CMYA5: variants seen among roughly 807,000 people sequenced by gnomAD.
CMYA5 encodes the protein cardiomyopathy associated 5.
CMYA5 carries 246 observed loss-of-function variants against 318.9 expected under a neutral mutation model. The observed-to-expected ratio is 0.77, with a 90% CI of 0.70 to 0.86. The LOEUF (loss-of-function observed/expected upper bound fraction) is 0.86, where lower values mean the gene tolerates loss of function less well. Ranked by LOEUF, CMYA5 falls within the 40% of genes least tolerant of loss-of-function variation. The probability of loss-of-function intolerance (pLI) is 0.00; values close to 1 mark genes in which losing one functional copy is unlikely to be tolerated. For missense variants in CMYA5, 4,589 were observed against 4,678.2 expected, an observed-to-expected ratio of 0.98 and a Z score of 0.56; for synonymous variants, 1,641 against 1,729.5, an observed-to-expected ratio of 0.95 and a Z score of 1.27.
intron 9 of CMYA5, among the ~76,000 whole-genome samples, chr5:79,767,721 A>T (rs1423456275): frequency 6.6e-6 from 1 of 152,146 alleles, no homozygotes; most frequent in Non-Finnish European, 1.5e-5. Flanking sequence ...TTTTACTTCC[A>T]ATTATGTGGT....
At chr5:79,721,336 AAAAC>A (rs1347653472) in intron 1 of CMYA5, among the ~76,000 whole-genome samples, 1 of 152,116 alleles carries the variant, frequency 6.6e-6, no homozygotes, top group Non-Finnish European at 1.5e-5. Context: ...AAAAAATAAA[AAAAC>A]AAAATAAGGC....
At chr5:79,743,148 C>G (rs1000154695) in intron 2 of CMYA5, among the ~76,000 whole-genome samples, 1 of 152,232 alleles carries the variant, frequency 6.6e-6, no homozygotes, top group African/African-American at 2.4e-5. Context: ...GTGAATCAGA[C>G]AGCTGAAGCT....
At chr5:79,761,578 T>A (rs1363045730) in intron 7 of CMYA5, among the ~76,000 whole-genome samples, 1 of 152,224 alleles carries the variant, frequency 6.6e-6, no homozygotes, top group East Asian at 1.9e-4. Context: ...ACTAATATGC[T>A]ATTATTTTCT....
rs747328529 is a variant in CMYA5, at chr5:79,736,713, T to G, written c.7948T>G (p.Ser2650Ala). Residue 2650 changes from serine (S) to alanine (A), a missense_variant, in exon 2 of 13, where the codon TCT becomes GCT. Transcript: ENST00000446378. Reference protein sequence around the residue: ...LSCRDEIENHSLSQEGNLVLE... With the variant: ...LSCRDEIENHALSQEGNLVLE... ...TTGTCGTGATGAAATAGAGAACCAC[T>G]CTTTATCTCAGGAAGGAAATCTAGT... The G allele has an allele frequency of 5.2e-5, 84 of 1,613,102 alleles. No individual in the cohort carries two copies. Among genetic ancestry groups the G allele is most frequent in the Non-Finnish European group, 7.0e-5 (82 of 1,179,748 alleles).
intron 9 of CMYA5, among the ~76,000 whole-genome samples, chr5:79,769,571 T>TA (rs2151096756): frequency 6.6e-6 from 1 of 152,316 alleles, no homozygotes; most frequent in Admixed American, 6.5e-5. Context: ...GATGCAGGTC[T>TA]ACTGCAGTTT....
intron 9 of CMYA5, among the ~76,000 whole-genome samples, chr5:79,788,285 A>G (rs1290689456): frequency 1.3e-5 from 2 of 151,966 alleles, no homozygotes; most frequent in Non-Finnish European, 2.9e-5. Context: ...GGAAAGAAGC[A>G]CAAAACTATT....
chr5:79,713,380 C>T (rs1033727201), intron 1 of CMYA5, among the ~76,000 whole-genome samples: 1 of 149,390 alleles, frequency 6.7e-6, no homozygotes, highest in Non-Finnish European at 1.5e-5. Flanking sequence ...GCCCACCTCC[C>T]AAGACCACAA....
Position 79,729,032 on chromosome 5 carries a change from A to T in CMYA5, c.267A>T (p.Ser89=), listed in dbSNP as rs1827809678. ...GTGGGATAACCTGGGAAACCAATTC[A>T]AGTAGATCTTCTACTCCTTGGGCTT... ...EDSGITWETN[S]SRSSTPWASE... Residue 89 remains serine, a synonymous_variant, in exon 2 of 13, where the codon TCA becomes TCT. Coordinates refer to ENST00000446378, the MANE Select transcript of CMYA5 (RefSeq NM_153610.5). The T allele has an allele frequency of 1.2e-6, 2 of 1,613,872 alleles. No individual in the cohort carries two copies. The highest frequency in any genetic ancestry group is 1.7e-6 in the Non-Finnish European group (2 of 1,179,878).
rs531371758 is a variant in CMYA5 at position 79,733,876 on chromosome 5, T to C, written c.5111T>C (p.Leu1704Pro). Residue 1704 changes from leucine to proline, a missense_variant, in exon 2 of 13, where the codon CTT becomes CCT. Leu to Pro is a moderately conservative substitution (Grantham distance 98). Transcript: ENST00000446378. ...GCAATTTCAGAGCTTTCATCATTGCTTAGGGAGGAATCTCAGAATGAAGAA... is the reference window on the plus strand; with the variant it reads ...GCAATTTCAGAGCTTTCATCATTGCCTAGGGAGGAATCTCAGAATGAAGAA... ...MPAISELSSLLREESQNEEIK... is the reference protein window; with the variant it reads ...MPAISELSSLPREESQNEEIK... 38 of 1,613,504 alleles carry C rather than the reference T, an allele frequency of 2.4e-5. No individual in the cohort carries two copies. In the South Asian group the frequency reaches 3.6e-4, roughly 15 times the overall value.
intron 1 of CMYA5, among the ~76,000 whole-genome samples, chr5:79,709,212 C>T (rs1827334459): frequency 6.6e-6 from 1 of 151,966 alleles, no homozygotes; most frequent in Admixed American, 6.6e-5. Flanking sequence ...GGAGGGAAAA[C>T]TGTCAATATG....
intron 1 of CMYA5, among the ~76,000 whole-genome samples, chr5:79,706,744 G>A (rs138133987): frequency 2.7e-4 from 41 of 151,980 alleles, no homozygotes; most frequent in Admixed American, 3.3e-4. Context: ...CACATCACGC[G>A]CTGTTGGCTC....
At position 79,732,041 on chromosome 5, in the gene CMYA5, T is replaced by A. The variant is rs1827922237; in HGVS notation, c.3276T>A (p.Ile1092=). Residue 1092 remains isoleucine (I), a synonymous_variant, in exon 2 of 13, where the codon ATT becomes ATA. Transcript: ENST00000446378. ...PSTDKSEKAE[I]KPEIPTTSTS... ...CAGATAAATCAGAGAAAGCAGAAAT[T>A]AAGCCAGAGATTCCAACAACCTCAA... 6.2e-7 allele frequency: 1 copy of A among 1,613,848 alleles called. No individual in the cohort carries two copies. Among genetic ancestry groups the A allele is most frequent in the Non-Finnish European group, 8.5e-7 (1 of 1,179,882 alleles).
intron 9 of CMYA5, among the ~76,000 whole-genome samples, chr5:79,777,538 G>A (rs530920986): frequency 6.6e-6 from 1 of 152,152 alleles, no homozygotes; most frequent in African/African-American, 2.4e-5. Context: ...TTGGGAGGCC[G>A]AGGTGAGTGG....
intron 11 of CMYA5, among the ~76,000 whole-genome samples, chr5:79,791,961 C>T (rs1459271056): frequency 6.6e-6 from 1 of 152,086 alleles, no homozygotes; most frequent in Non-Finnish European, 1.5e-5. Context: ...CTGTAACACA[C>T]GGGAAACACA....
chr5:79,704,714 G>GGA (rs1022879604), intron 1 of CMYA5, among the ~76,000 whole-genome samples: 2 of 151,904 alleles, frequency 1.3e-5, no homozygotes, highest in South Asian at 2.1e-4. Context: ...AGAGAAAGAG[G>GGA]GAGAGAGAGA....
At chr5:79,787,855 C>T (rs543754526) in intron 9 of CMYA5, among the ~76,000 whole-genome samples, 13 of 152,046 alleles carry the variant, frequency 8.6e-5, no homozygotes, top group South Asian at 2.1e-4. Context: ...AACATTTTTT[C>T]GTTTTTCTGG....
intron 7 of CMYA5, among the ~76,000 whole-genome samples, chr5:79,759,378 C>T (rs1828601234): frequency 6.6e-6 from 1 of 152,228 alleles, no homozygotes; most frequent in South Asian, 2.1e-4. Context: ...GTGGCAGTTT[C>T]TCAGGTCTGT....
intron 1 of CMYA5, among the ~76,000 whole-genome samples, chr5:79,691,773 G>A (rs1022588935): frequency 1.3e-5 from 2 of 152,216 alleles, no homozygotes; most frequent in Non-Finnish European, 2.9e-5. Context: ...CCTGTGACAC[G>A]GCCTGCAGGA....
rs1561207782 is a variant in CMYA5 at position 79,732,149 on chromosome 5, T to C, written c.3384T>C (p.Pro1128=). The change falls in exon 2 of 13, where the codon CCT becomes CCC. Residue 1128 remains proline, a synonymous_variant. Coordinates refer to ENST00000446378, the MANE Select transcript of CMYA5 (RefSeq NM_153610.5). ...AGCCTGAGTCTGAAGACTTGATTCC[T>C]TCACATTTAACCAGTGAAGTGGAGA... The part of the protein sequence containing the change: ...YLEPESEDLI[P]SHLTSEVEKG... 1 of 1,613,844 alleles carries C rather than the reference T, an allele frequency of 6.2e-7. No homozygotes were observed. The highest frequency in any genetic ancestry group is 1.3e-5 in the African/African-American group (1 of 74,928).
Sources: allele counts gnomAD v4.1 joint callset (sites outside exome capture counted in the v4.1 genomes callset), GRCh38; gene constraint gnomAD v4.1.1; transcripts MANE v1.5; gene names NCBI Gene and HGNC (gene_info 2026-07-23, HGNC 2026-07-21).